CIT: variants seen among roughly 807,000 people sequenced by gnomAD.
CIT encodes citron rho-interacting serine/threonine kinase.
In CIT, 79 loss-of-function variants were observed where a neutral mutation model predicts 272.7. That is an observed-to-expected ratio of 0.29 (90% CI 0.24 to 0.35). CIT has a LOEUF of 0.35. Ranked by LOEUF, CIT falls within the 10% of genes least tolerant of loss-of-function variation. The pLI is 1.00. For missense variants in CIT, 1,909 were observed against 2,618.3 expected, an observed-to-expected ratio of 0.73 and a Z score of 5.91; for synonymous variants, 948 against 995.6, an observed-to-expected ratio of 0.95 and a Z score of 0.90.
intron 10 of CIT, among the ~76,000 whole-genome samples, chr12:119,798,440 G>A (rs1054280948): frequency 1.3e-5 from 2 of 152,254 alleles, no homozygotes; most frequent in Admixed American, 6.5e-5. Context: ...CATCCAAAAT[G>A]AGAATAATAA....
intron 9 of CIT, among the ~76,000 whole-genome samples, chr12:119,818,480 T>G (rs1967399243): frequency 1.3e-5 from 2 of 152,182 alleles, no homozygotes; most frequent in Admixed American, 6.5e-5. Flanking sequence ...TCATTGTCAC[T>G]ATTGAGGGCC....
At chr12:119,835,417 T>C (rs573908332) in intron 5 of CIT, among the ~76,000 whole-genome samples, 2 of 152,288 alleles carry the variant, frequency 1.3e-5, no homozygotes, top group South Asian at 2.1e-4. Flanking sequence ...CCCCCCACTT[T>C]ACTGCATGAT....
chr12:119,717,502 C>A (rs1484395303), intron 32 of CIT, among the ~76,000 whole-genome samples: 1 of 145,910 alleles, frequency 6.9e-6, no homozygotes, highest in African/African-American at 2.6e-5. Flanking sequence ...CTCACTGCAA[C>A]CTCCACCTCC....
At chr12:119,781,636 A>C (rs1964294192) in intron 13 of CIT, among the ~76,000 whole-genome samples, 1 of 151,826 alleles carries the variant, frequency 6.6e-6, no homozygotes, top group Non-Finnish European at 1.5e-5. Context: ...CAATACAAAA[A>C]TGAGCCATTT....
Position 119,757,379 on chromosome 12 carries a change from A to T in CIT, c.2698T>A (p.Leu900Met). 5 of 1,613,450 alleles carry T rather than the reference A, an allele frequency of 3.1e-6. No individual in the cohort carries two copies. The highest frequency in any genetic ancestry group is 4.2e-6 in the Non-Finnish European group (5 of 1,179,898). The change falls in exon 22 of 48, where the codon TTG (leucine) becomes ATG (methionine). Residue 900 changes from leucine to methionine, a missense_variant. Around this residue, in one of 8 missense-constraint regions of CIT, gnomAD observed 530 missense variants for 822.4 expected, o/e 0.64. Transcript: ENST00000392521. ...TGACTCCTCGCTCTCACCTCCCGCA[A>T]TCTTGTCTCCAGTTCCAGCAGCCGA... Reference protein sequence around the residue: ...KNRLLELETRLREVSLEHEEQ... With the variant: ...KNRLLELETRMREVSLEHEEQ...
rs767372297 is a variant in CIT, at chr12:119,697,653, G to C, written c.5882+6C>G. The C allele has an allele frequency of 3.1e-6, 5 of 1,613,108 alleles. No homozygotes were observed. Among genetic ancestry groups the C allele is most frequent in the Non-Finnish European group, 3.4e-6 (4 of 1,179,496 alleles). ...CTGGTACTGAGGAAGAGGAGAAGCT[G>C]GTTACCTGCGGGAGGTGGACGGGCC... On this transcript the variant is annotated splice_donor_region_variant and intron_variant, in intron 46 of 47. Coordinates refer to ENST00000392521, the MANE Select transcript of CIT (RefSeq NM_001206999.2). The surrounding 1 kb of genome is among the most constrained non-coding windows in gnomAD (Gnocchi z 4.9).
intron 4 of CIT, among the ~76,000 whole-genome samples, chr12:119,852,873 T>C (rs1970322642): frequency 6.6e-6 from 1 of 152,106 alleles, no homozygotes; most frequent in Admixed American, 6.6e-5. Context: ...TGTGTATATA[T>C]ATTCTATGTA....
intron 3 of CIT, among the ~76,000 whole-genome samples, chr12:119,862,147 C>T (rs749427427): frequency 6.6e-6 from 1 of 152,008 alleles, no homozygotes; most frequent in Non-Finnish European, 1.5e-5. Flanking sequence ...ACTACAGGTG[C>T]CCACCACACC....
At chr12:119,832,470 AC>A (rs1163062313) in intron 7 of CIT, among the ~76,000 whole-genome samples, 1 of 152,238 alleles carries the variant, frequency 6.6e-6, no homozygotes, top group African/African-American at 2.4e-5. Flanking sequence ...AGATAATATA[AC>A]AAAAGACAGT....
At chr12:119,838,605 T>G (rs995987826) in intron 5 of CIT, among the ~76,000 whole-genome samples, 8 of 152,178 alleles carry the variant, frequency 5.3e-5, no homozygotes, top group African/African-American at 1.9e-4. Context: ...GGAACCAATA[T>G]GGCTCCCTAC....
At chr12:119,726,385 A>ATTTTTTTTTTTTTTTT (rs3999547) in intron 28 of CIT, among the ~76,000 whole-genome samples, 1 of 101,418 alleles carries the variant, frequency 9.9e-6, no homozygotes, top group Non-Finnish European at 1.9e-5. Context: ...CACTTGGCTA[A>ATTTTTTTTTTTTTTTT]TTTTTTTTTT....
chr12:119,819,420 G>A (rs777801013), intron 9 of CIT, among the ~76,000 whole-genome samples: 14 of 152,094 alleles, frequency 9.2e-5, no homozygotes, highest in Non-Finnish European at 1.8e-4. Flanking sequence ...AGTTTCTCTC[G>A]GTAGCCACTC....
At chr12:119,764,205 G>A (rs1962146892) in intron 19 of CIT, among the ~76,000 whole-genome samples, 1 of 152,134 alleles carries the variant, frequency 6.6e-6, no homozygotes, top group Admixed American at 6.5e-5. Flanking sequence ...AAATAAAACA[G>A]TCACCATGAC....
At chr12:119,760,033 A>C (rs1383269641) in intron 20 of CIT, among the ~76,000 whole-genome samples, 3 of 151,734 alleles carry the variant, frequency 2.0e-5, no homozygotes, top group Non-Finnish European at 4.4e-5. Flanking sequence ...CTAAAAATAC[A>C]AAAATTAGCC....
At chr12:119,730,978 T>C (rs916481117) in intron 26 of CIT, among the ~76,000 whole-genome samples, 1 of 149,554 alleles carries the variant, frequency 6.7e-6, no homozygotes, top group African/African-American at 2.5e-5. Flanking sequence ...AAATACAAAA[T>C]TAGCTGGGTG....
intron 4 of CIT, among the ~76,000 whole-genome samples, chr12:119,854,516 G>A (rs955416639): frequency 3.3e-5 from 5 of 151,756 alleles, no homozygotes; most frequent in South Asian, 2.1e-4. Flanking sequence ...GGTGGCACCC[G>A]CCTGTAGTCC....
intron 10 of CIT, among the ~76,000 whole-genome samples, chr12:119,794,270 GTGAA>G (rs60480648): frequency 3.9e-4 from 59 of 151,804 alleles, no homozygotes; most frequent in Middle Eastern, 3.4e-3. Context: ...TATTTGTTGA[GTGAA>G]TGAATGAATG....
At chr12:119,721,471 G>A in intron 28 of CIT, 22 bp from the exon 29 acceptor site, 1 of 1,593,986 alleles carries the variant, frequency 6.3e-7, no homozygotes. Flanking sequence ...AAGGGCCAGG[G>A]AAATGCTTGA....
chr12:119,815,102 C>T (rs1967039320), intron 9 of CIT, among the ~76,000 whole-genome samples: 2 of 71,852 alleles, frequency 2.8e-5, no homozygotes, highest in South Asian at 1.1e-3. Context: ...CACACACACA[C>T]ACAACACACA....
Sources: gnomAD v4.1 joint callset for allele counts (sites outside exome capture counted in the v4.1 genomes callset) on GRCh38, gnomAD v4.1.1 for gene constraint, gnomAD v4.1.1 regional missense constraint, Gnocchi (gnomAD v3.1) non-coding constraint, MANE v1.5 for transcripts, NCBI Gene and HGNC (gene_info 2026-07-23, HGNC 2026-07-21) for gene names.